The following SIK3 variants were observed in gnomAD, a reference collection of about 807,000 sequenced individuals.
SIK3 encodes SIK family kinase 3.
SIK3 carries 28 observed loss-of-function variants against 144.2 expected under a neutral mutation model. The ratio of observed to expected loss-of-function variants is 0.19; its 90% confidence interval spans 0.14 to 0.27. SIK3 has a LOEUF of 0.27. SIK3 is among the 10% of genes least tolerant of loss of function. The pLI is 1.00. For missense variants in SIK3, 1,319 were observed against 1,776.0 expected, an observed-to-expected ratio of 0.74 and a Z score of 4.62; for synonymous variants, 686 against 676.3, an observed-to-expected ratio of 1.01 and a Z score of -0.22.
chr11:116,875,478 G>A lies in SIK3; in HGVS notation c.1240-27C>T, dbSNP rs577708297. ...TGGAAAGCAGTACATACATATACAC[G>A]CATACCTTTAACACTAGAGAGAAAT... On this transcript the variant is annotated intron_variant, in intron 9 of 24. Transcript: ENST00000445177. 52 of 1,602,640 alleles carry A rather than the reference G, an allele frequency of 3.2e-5. No individual in the cohort carries two copies. The East Asian group carries it at 3.3e-4, about 10-fold the overall frequency.
chr11:117,071,058 TA>T (rs1006827371), intron 1 of SIK3, among the ~76,000 whole-genome samples: 2 of 151,534 alleles, frequency 1.3e-5, no homozygotes, highest in African/African-American at 4.9e-5. Flanking sequence ...AAACATAAAA[TA>T]AAACAAAATA....
chr11:116,855,102 A>AAAAAAAAAAAAAAAAC (rs1168132311), intron 21 of SIK3, among the ~76,000 whole-genome samples: 3 of 144,456 alleles, frequency 2.1e-5, no homozygotes, highest in East Asian at 4.6e-4. Context: ...AAAAAAAAAA[A>AAAAAAAAAAAAAAAAC]AAAAAAACTT....
At chr11:117,069,907 T>C (rs1213872415) in intron 1 of SIK3, among the ~76,000 whole-genome samples, 1 of 152,238 alleles carries the variant, frequency 6.6e-6, no homozygotes, top group Admixed American at 6.5e-5. Context: ...GATTATTTTC[T>C]ATTTCTAAAA....
chr11:116,934,389 GAATTC>G (rs1221325770), intron 3 of SIK3, among the ~76,000 whole-genome samples: 1 of 152,290 alleles, frequency 6.6e-6, no homozygotes, highest in East Asian at 1.9e-4. Flanking sequence ...TCACCTCAAT[GAATTC>G]AAGAGTCTTC....
intron 1 of SIK3, among the ~76,000 whole-genome samples, chr11:117,081,702 G>A (rs1478731818): frequency 3.3e-5 from 5 of 152,124 alleles, no homozygotes; most frequent in Admixed American, 3.3e-4. Flanking sequence ...ATATGAACAT[G>A]GGAGAAAGTA....
At chr11:116,970,241 C>T (rs900890788) in intron 1 of SIK3, among the ~76,000 whole-genome samples, 18 of 152,186 alleles carry the variant, frequency 1.2e-4, no homozygotes, top group African/African-American at 4.1e-4. Context: ...CAAGCCACTA[C>T]ACTCCTAGCC....
chr11:116,897,143 C>G (rs1389637305), intron 5 of SIK3, 50 bp downstream of exon 5: 2 of 1,577,366 alleles, frequency 1.3e-6, no homozygotes, highest in East Asian at 2.3e-5. Flanking sequence ...TAGCTGTCAT[C>G]AACCAAGGGT....
chr11:117,074,850 C>A (rs1428034082), intron 1 of SIK3, among the ~76,000 whole-genome samples: 1 of 151,262 alleles, frequency 6.6e-6, no homozygotes, highest in Admixed American at 6.6e-5. Context: ...TTGCTTGAAC[C>A]AGGGAGGTGG....
intron 1 of SIK3, among the ~76,000 whole-genome samples, chr11:117,010,588 A>G (rs1951211747): frequency 6.6e-6 from 1 of 152,098 alleles, no homozygotes; most frequent in South Asian, 2.1e-4. Flanking sequence ...CTGTATGGCC[A>G]CCATGCTCCC....
At chr11:116,983,077 A>G (rs1950205234) in intron 1 of SIK3, among the ~76,000 whole-genome samples, 1 of 151,976 alleles carries the variant, frequency 6.6e-6, no homozygotes. Context: ...AATATAAAAA[A>G]TTAGCCGGGC....
chr11:116,846,620 G>C lies in SIK3; in HGVS notation c.3953-67C>G. The C allele has an allele frequency of 1.3e-6, 2 of 1,585,472 alleles. No individual in the cohort carries two copies. The highest frequency in any genetic ancestry group is 8.6e-7 in the Non-Finnish European group (1 of 1,159,440). On this transcript the variant is annotated intron_variant, in intron 23 of 24. Transcript: ENST00000445177. This position sits in a 1 kb window ranked among gnomAD's most constrained non-coding sequence, Gnocchi z 4.1. ...GGGGACTAGGAGAGCAAGGGGGAGA[G>C]AGAGGAGGAATTGAAGGCAACCTGT... is the stretch of plus-strand genomic sequence containing the variant.
chr11:116,993,592 A>T (rs929809809), intron 1 of SIK3, among the ~76,000 whole-genome samples: 1 of 152,192 alleles, frequency 6.6e-6, no homozygotes, highest in Non-Finnish European at 1.5e-5. Flanking sequence ...TTAGGAAAAC[A>T]TGTATATTCC....
At chr11:117,005,670 T>C (rs1211073722) in intron 1 of SIK3, among the ~76,000 whole-genome samples, 1 of 152,180 alleles carries the variant, frequency 6.6e-6, no homozygotes, top group Non-Finnish European at 1.5e-5. Flanking sequence ...ATCTGATTCA[T>C]AGAATGAGAG....
chr11:116,972,951 G>C (rs77392553), intron 1 of SIK3, among the ~76,000 whole-genome samples: 1,776 of 152,230 alleles, frequency 0.012, 36 homozygotes, highest in African/African-American at 0.04. Flanking sequence ...TGGCATCAAA[G>C]AACTGCGGGC....
At chr11:117,013,951 T>TGTGTGTGTGTGTG (rs1350690829) in intron 1 of SIK3, among the ~76,000 whole-genome samples, 7 of 95,350 alleles carry the variant, frequency 7.3e-5, no homozygotes, top group African/African-American at 2.5e-4. Context: ...TGTGTGTGTG[T>TGTGTGTGTGTGTG]TTTATTTCTT....
chr11:116,895,798 C>T (rs1945367901), intron 6 of SIK3, among the ~76,000 whole-genome samples: 1 of 152,178 alleles, frequency 6.6e-6, no homozygotes, highest in Non-Finnish European at 1.5e-5. Context: ...GACTAAGATG[C>T]AAAGCCTACT....
rs58857849 is a variant in SIK3 at position 116,932,424 on chromosome 11, G to A, written c.455-5044C>T. On this transcript the variant is annotated intron_variant, in intron 3 of 24. Transcript: ENST00000445177. ...CCAGAATTTGACATGGGTACAATGCGTATGTATAGTTCTATGTCACTTTAT... is the reference window on the plus strand; with the variant it reads ...CCAGAATTTGACATGGGTACAATGCATATGTATAGTTCTATGTCACTTTAT... Among the ~76,000 whole-genome samples, 1,438 of 152,208 alleles carry A rather than the reference G, an allele frequency of 9.4e-3. 26 individuals are homozygous for A. Among genetic ancestry groups the A allele is most frequent in the African/African-American group, 0.033 (1,361 of 41,498 alleles).
chr11:116,952,530 A>G (rs986558826), intron 3 of SIK3, among the ~76,000 whole-genome samples: 4 of 152,330 alleles, frequency 2.6e-5, no homozygotes, highest in Admixed American at 2.6e-4. Flanking sequence ...TCCCAATAAC[A>G]TGACTGCTAT....
intron 1 of SIK3, among the ~76,000 whole-genome samples, chr11:116,994,604 A>G (rs1005883845): frequency 1.5e-4 from 23 of 152,130 alleles, no homozygotes; most frequent in African/African-American, 5.6e-4. Context: ...ATGATCACGA[A>G]ATCCCTTTGG....
Sources: gnomAD v4.1 joint callset for allele counts (sites outside exome capture counted in the v4.1 genomes callset) on GRCh38, gnomAD v4.1.1 for gene constraint, Gnocchi (gnomAD v3.1) non-coding constraint, MANE v1.5 for transcripts, NCBI Gene and HGNC (gene_info 2026-07-23, HGNC 2026-07-21) for gene names.